VPS13B: variants seen among roughly 807,000 people sequenced by gnomAD.
The protein encoded by VPS13B is intermembrane lipid transfer protein VPS13B.
Under a neutral mutation model 426.4 loss-of-function variants are expected in VPS13B, and 285 were observed. That is an observed-to-expected ratio of 0.67 (90% CI 0.61 to 0.74). The LOEUF (loss-of-function observed/expected upper bound fraction) is 0.74. VPS13B is among the 30% of genes least tolerant of loss of function. The pLI is 0.00. For synonymous variants in VPS13B, 1,676 were observed against 1,676.4 expected, an observed-to-expected ratio of 1.00 and a Z score of 0.01; for missense variants, 4,537 against 4,782.6, an observed-to-expected ratio of 0.95 and a Z score of 1.51.
intron 15 of VPS13B, among the ~76,000 whole-genome samples, chr8:99,167,611 T>C (rs1253140133): frequency 1.3e-5 from 2 of 152,282 alleles, no homozygotes; most frequent in Non-Finnish European, 2.9e-5. Flanking sequence ...TGCCATATAA[T>C]GTTTCTAAAT....
chr8:99,501,450 A>G (rs1433936428), intron 25 of VPS13B, among the ~76,000 whole-genome samples: 1 of 152,180 alleles, frequency 6.6e-6, no homozygotes, highest in Non-Finnish European at 1.5e-5. Flanking sequence ...TCTAGATCTT[A>G]ACTACTTTTA....
intron 33 of VPS13B, among the ~76,000 whole-genome samples, chr8:99,617,299 G>C (rs11780969): frequency 6.6e-6 from 1 of 151,972 alleles, no homozygotes; most frequent in African/African-American, 2.4e-5. Flanking sequence ...CTAGGTTTTG[G>C]GTTATTTGTT....
In VPS13B at chr8:99,858,769, C is replaced by T. The variant is rs529026652; in HGVS notation, c.10868-535C>T. Among the ~76,000 whole-genome samples the T allele has an allele frequency of 2.6e-5, 4 of 152,304 alleles. No individual in the cohort carries two copies. In the South Asian group the frequency reaches 8.3e-4, roughly 32 times the overall value. On this transcript the variant is annotated intron_variant, in intron 56 of 61. Transcript: ENST00000357162. ...CCAAGACATTTGTCTGGGTCTAGCT[C>T]TGCTCCAAAGGGAAGCACTCAACTC... is the stretch of plus-strand genomic sequence containing the variant.
intron 17 of VPS13B, chr8:99,233,769 CT>C: frequency 1.3e-6 from 1 of 779,214 alleles, no homozygotes; most frequent in East Asian, 2.4e-5. Flanking sequence ...TTTCTGCCTT[CT>C]TTTCCAATCA....
At chr8:99,191,954 T>C (rs1301614192) in intron 16 of VPS13B, among the ~76,000 whole-genome samples, 2 of 152,120 alleles carry the variant, frequency 1.3e-5, no homozygotes, top group Non-Finnish European at 2.9e-5. Context: ...GTGGTTACAG[T>C]TGGGAAAATG....
chr8:99,846,768 A>T (rs1471240071), intron 54 of VPS13B, among the ~76,000 whole-genome samples: 1 of 152,188 alleles, frequency 6.6e-6, no homozygotes, highest in Non-Finnish European at 1.5e-5. Flanking sequence ...CCATCACCTT[A>T]CCTTAGGTTT....
chr8:99,254,638 A>T (rs1298222494), intron 17 of VPS13B, among the ~76,000 whole-genome samples: 1 of 151,068 alleles, frequency 6.6e-6, no homozygotes, highest in African/African-American at 2.4e-5. Context: ...TTATTTTATT[A>T]TATTTTATTT....
At chr8:99,148,386 T>C (rs1810864162) in intron 14 of VPS13B, among the ~76,000 whole-genome samples, 1 of 142,616 alleles carries the variant, frequency 7.0e-6, no homozygotes, top group South Asian at 2.1e-4. Context: ...AAGAAAAAGA[T>C]AAAAGTATCT....
At chr8:99,741,365 A>T (rs1471209432) in intron 39 of VPS13B, among the ~76,000 whole-genome samples, 2 of 152,210 alleles carry the variant, frequency 1.3e-5, no homozygotes, top group African/African-American at 4.8e-5. Flanking sequence ...ATTCCCACAC[A>T]ATAGTAATGG....
At chr8:99,594,071 T>G (rs1300227213) in intron 33 of VPS13B, among the ~76,000 whole-genome samples, 1 of 151,868 alleles carries the variant, frequency 6.6e-6, no homozygotes, top group East Asian at 1.9e-4. Flanking sequence ...ACCACTGAAC[T>G]TAAACGTTAA....
rs77484021 is a variant in VPS13B at position 99,657,634 on chromosome 8, T to C, written c.5909-3720T>C. ...CATTCTCGTTATCAGTAGCATAGTA[T>C]TCTATGCAGTATTTATGGTGCATTC... On this transcript the variant is annotated intron_variant, in intron 34 of 61. Coordinates refer to ENST00000357162, the MANE Select transcript of VPS13B (RefSeq NM_152564.5). 9.9e-3 allele frequency among the ~76,000 whole-genome samples: 1,513 copies of C among 152,298 alleles called. 32 individuals are homozygous for C. The highest frequency in any genetic ancestry group is 0.035 in the African/African-American group (1,450 of 41,558).
intron 19 of VPS13B, among the ~76,000 whole-genome samples, chr8:99,359,938 G>C (rs1812406166): frequency 6.6e-6 from 1 of 152,078 alleles, no homozygotes. Context: ...AAGTAACTGG[G>C]ACTACAGGCA....
chr8:99,721,245 T>C (rs1833118420), intron 39 of VPS13B, among the ~76,000 whole-genome samples, 198 bp downstream of exon 39: 1 of 152,196 alleles, frequency 6.6e-6, no homozygotes, highest in Non-Finnish European at 1.5e-5. Flanking sequence ...GTAATCCAAA[T>C]TCATGATACA....
At chr8:99,665,452 A>G (rs1038269281) in intron 35 of VPS13B, among the ~76,000 whole-genome samples, 6 of 152,086 alleles carry the variant, frequency 3.9e-5, no homozygotes, top group South Asian at 2.1e-4. Flanking sequence ...ATGGTTTTAG[A>G]TCTAACATTT....
chr8:99,378,686 C>T (rs748647002), intron 19 of VPS13B, among the ~76,000 whole-genome samples: 1 of 152,186 alleles, frequency 6.6e-6, no homozygotes, highest in Non-Finnish European at 1.5e-5. Context: ...CTTCCCGCAA[C>T]AATACATAGC....
At chr8:99,263,830 G>T (rs559441004) in intron 17 of VPS13B, among the ~76,000 whole-genome samples, 6 of 152,020 alleles carry the variant, frequency 3.9e-5, no homozygotes, top group Non-Finnish European at 7.4e-5. Flanking sequence ...AACATCTTTG[G>T]GGGGGACCAT....
intron 17 of VPS13B, among the ~76,000 whole-genome samples, chr8:99,266,058 T>C (rs1588189030): frequency 6.6e-6 from 1 of 152,308 alleles, no homozygotes; most frequent in East Asian, 1.9e-4. Context: ...CACAGAGATA[T>C]ACAGATCATT....
intron 3 of VPS13B, among the ~76,000 whole-genome samples, chr8:99,042,390 A>G (rs1843002733): frequency 6.6e-6 from 1 of 151,950 alleles, no homozygotes; most frequent in Non-Finnish European, 1.5e-5. Flanking sequence ...TCATTTTTGC[A>G]AGTTTAATTT....
intron 8 of VPS13B, among the ~76,000 whole-genome samples, chr8:99,123,753 A>G (rs1231952186): frequency 6.6e-6 from 1 of 152,062 alleles, no homozygotes; most frequent in Non-Finnish European, 1.5e-5. Context: ...TGAGACATGA[A>G]TGAAAAAAAA....
Sources: allele counts gnomAD v4.1 joint callset (sites outside exome capture counted in the v4.1 genomes callset), GRCh38; gene constraint gnomAD v4.1.1; transcripts MANE v1.5; gene names NCBI Gene and HGNC (gene_info 2026-07-23, HGNC 2026-07-21).